Variants in ZNF831 observed in about 807,000 individuals in gnomAD.
ZNF831 encodes the protein zinc finger protein 831.
Under a neutral mutation model 95.8 loss-of-function variants are expected in ZNF831, and 59 were observed. The observed-to-expected ratio is 0.62, with a 90% CI of 0.50 to 0.77. The LOEUF is 0.77. Among genes scored for constraint, ZNF831 ranks in the 30% least tolerant of loss-of-function variants. ZNF831 has a pLI of 0.00. For missense variants in ZNF831, 2,205 were observed against 2,164.0 expected, an observed-to-expected ratio of 1.02 and a Z score of -0.38; for synonymous variants, 961 against 925.5, an observed-to-expected ratio of 1.04 and a Z score of -0.70.
chr20:59,228,740 G>C (rs766173860), intron 4 of ZNF831, among the ~76,000 whole-genome samples: 3 of 152,152 alleles, frequency 2.0e-5, no homozygotes, highest in African/African-American at 7.2e-5. Context: ...TTTGATACCT[G>C]CATACAATGT....
At chr20:59,128,897 T>C (rs1979261313) in intron 1 of ZNF831, among the ~76,000 whole-genome samples, 1 of 152,116 alleles carries the variant, frequency 6.6e-6, no homozygotes, top group Admixed American at 6.5e-5. Context: ...GAGTAGCTGG[T>C]ATTATAGGCG....
At chr20:59,214,327 C>T (rs1985539323) in intron 4 of ZNF831, among the ~76,000 whole-genome samples, 1 of 152,178 alleles carries the variant, frequency 6.6e-6, no homozygotes, top group Non-Finnish European at 1.5e-5. Context: ...GGAGTTGTGT[C>T]TTCTTGGGTC....
intron 4 of ZNF831, among the ~76,000 whole-genome samples, chr20:59,223,620 C>A (rs546416378): frequency 6.6e-6 from 1 of 152,264 alleles, no homozygotes; most frequent in Non-Finnish European, 1.5e-5. Flanking sequence ...TTCTGTGCCT[C>A]GGTTTCCCCA....
intron 4 of ZNF831, among the ~76,000 whole-genome samples, chr20:59,222,043 A>G (rs1986109699): frequency 6.6e-6 from 1 of 152,178 alleles, no homozygotes; most frequent in African/African-American, 2.4e-5. Flanking sequence ...AATCATAGTT[A>G]ATGTGCGACG....
chr20:59,237,232 AAAGTAGATTTTTAG>A (rs1296831231), intron 4 of ZNF831, among the ~76,000 whole-genome samples: 1 of 152,210 alleles, frequency 6.6e-6, no homozygotes, highest in African/African-American at 2.4e-5. Context: ...ATGATTTTTC[AAAGTAGATTTTTAG>A]AAGGTTATTT....
intron 2 of ZNF831, among the ~76,000 whole-genome samples, chr20:59,153,461 G>A (rs1316001487): frequency 2.0e-5 from 3 of 152,260 alleles, no homozygotes; most frequent in African/African-American, 4.8e-5. Context: ...GCAGTGGATT[G>A]CCTCATTGAG....
At chr20:59,176,627 G>A (rs934963453) in intron 1 of ZNF831, among the ~76,000 whole-genome samples, 25 of 152,090 alleles carry the variant, frequency 1.6e-4, no homozygotes, top group African/African-American at 5.6e-4. Context: ...TGTGTATTTC[G>A]CTTTAGTGCG....
At position 59,192,344 on chromosome 20, in the gene ZNF831, T is replaced by A. The variant is rs1319017260; in HGVS notation, c.1325T>A (p.Leu442Gln). Residue 442 changes from leucine to glutamine, a missense_variant, in exon 2 of 6, where the codon CTG becomes CAG. Leu to Gln is a moderately radical substitution (Grantham distance 113). Coordinates refer to ENST00000371030, the MANE Select transcript of ZNF831 (RefSeq NM_178457.3). This position sits in a 1 kb window ranked among gnomAD's most constrained non-coding sequence, Gnocchi z 5.2. ...TGLSKQGSIDLPTPYTYKDSF... is the reference protein window; with the variant it reads ...TGLSKQGSIDQPTPYTYKDSF... ...CTGTCCAAACAGGGCAGCATCGACC[T>A]GCCCACGCCCTACACCTACAAGGAC... 5 of 1,607,990 alleles carry A rather than the reference T, an allele frequency of 3.1e-6. No individual in the cohort carries two copies. In the East Asian group the frequency reaches 1.1e-4, roughly 36 times the overall value.
chr20:59,192,164 G>A lies in ZNF831; in HGVS notation c.1145G>A (p.Gly382Glu), dbSNP rs1188537815. 1.3e-6 allele frequency: 2 copies of A among 1,562,662 alleles called. No homozygotes were observed. Among genetic ancestry groups the A allele is most frequent in the South Asian group, 2.4e-5 (2 of 84,774 alleles). Residue 382 changes from glycine to glutamate, a missense_variant, in exon 2 of 6, where the codon GGG (glycine) becomes GAG (glutamate). Transcript: ENST00000371030. This position sits in a 1 kb window ranked among gnomAD's most constrained non-coding sequence, Gnocchi z 5.2. ...GAGGGGGAGGGCGGCCCGGGCCCGG[G>A]GCCAGGGGTCGCAGGGGCCGAGCCC... ...ESEGEGGPGP[G>E]PGVAGAEPGA...
chr20:59,150,087 C>A (rs1029408696), intron 2 of ZNF831, among the ~76,000 whole-genome samples: 1 of 152,316 alleles, frequency 6.6e-6, no homozygotes, highest in Admixed American at 6.5e-5. Flanking sequence ...CGTGGCCTCA[C>A]GTTCACAATG....
intron 1 of ZNF831, among the ~76,000 whole-genome samples, chr20:59,165,518 G>A (rs1270007456): frequency 6.6e-6 from 1 of 152,204 alleles, no homozygotes; most frequent in Non-Finnish European, 1.5e-5. Flanking sequence ...AGGTAGCAGA[G>A]CAAAGGTTCA....
intron 1 of ZNF831, among the ~76,000 whole-genome samples, chr20:59,143,694 C>T (rs1297452755): frequency 6.6e-6 from 1 of 152,220 alleles, no homozygotes; most frequent in Non-Finnish European, 1.5e-5. Flanking sequence ...AGATTTTCTT[C>T]TTAAAGGCTG....
chr20:59,200,261 C>A (rs1479755409), intron 3 of ZNF831, among the ~76,000 whole-genome samples: 1 of 152,120 alleles, frequency 6.6e-6, no homozygotes, highest in Non-Finnish European at 1.5e-5. Context: ...AAATTCTTAG[C>A]CATCATTCTC....
At chr20:59,151,261 G>C (rs1317609168) in intron 2 of ZNF831, among the ~76,000 whole-genome samples, 2 of 152,164 alleles carry the variant, frequency 1.3e-5, no homozygotes, top group African/African-American at 4.8e-5. Flanking sequence ...AAGCCACATG[G>C]CTTCTGTCTC....
rs576389786 is a variant in ZNF831 at position 59,256,302 on chromosome 20, C to T, written c.*1559C>T. On this transcript the variant is annotated 3_prime_UTR_variant, in exon 6 of 6. Transcript: ENST00000371030. ...TGGTTACTTAGCATATATTTGTGAC[C>T]ATTTCATATGCACTCATAAATATCC... The T allele has an allele frequency of 1.3e-5, 2 of 152,252 alleles. No individual in the cohort carries two copies. Among genetic ancestry groups the T allele is most frequent in the South Asian group, 4.2e-4 (2 of 4,818 alleles). 9.4% of individuals were successfully genotyped at this position (152,252 alleles called of 1,614,324 possible).
At chr20:59,207,595 C>A (rs1984991375) in intron 4 of ZNF831, among the ~76,000 whole-genome samples, 1 of 152,188 alleles carries the variant, frequency 6.6e-6, no homozygotes, top group African/African-American at 2.4e-5. Context: ...CTAAGTGGGG[C>A]TGCTTCCTGG....
At position 59,193,088 on chromosome 20, in the gene ZNF831, C is replaced by G. The variant is rs2146576959; in HGVS notation, c.2069C>G (p.Pro690Arg). 6.3e-7 allele frequency: 1 copy of G among 1,599,432 alleles called. No homozygotes were observed. ...VHEDISAGATPEPWGNPPALE... is the reference protein window; with the variant it reads ...VHEDISAGATREPWGNPPALE... ...GAGGACATATCCGCAGGGGCAACGC[C>G]AGAGCCTTGGGGAAATCCACCAGCC... The change falls in exon 2 of 6, where the codon CCA becomes CGA. Residue 690 changes from proline (P) to arginine (R), a missense_variant. Physicochemically the swap from Pro to Arg is moderately radical, Grantham distance 103 (BLOSUM62 -2). Transcript: ENST00000371030.
intron 4 of ZNF831, among the ~76,000 whole-genome samples, chr20:59,207,725 C>A (rs991629137): frequency 9.9e-5 from 15 of 152,196 alleles, no homozygotes; most frequent in Non-Finnish European, 2.1e-4. Flanking sequence ...TCAGCCTTAG[C>A]CTTGCTTGAT....
chr20:59,253,184 A>C (rs1330564696), intron 5 of ZNF831, 46 bp downstream of exon 5: 6 of 1,605,324 alleles, frequency 3.7e-6, no homozygotes, highest in Non-Finnish European at 5.1e-6. Context: ...CCTGGTCTAG[A>C]TGTATAGCCC....
Sources: allele counts gnomAD v4.1 joint callset (sites outside exome capture counted in the v4.1 genomes callset), GRCh38; gene constraint gnomAD v4.1.1; non-coding constraint Gnocchi (gnomAD v3.1); transcripts MANE v1.5; gene names NCBI Gene and HGNC (gene_info 2026-07-23, HGNC 2026-07-21).